Variants in TET3 observed in about 807,000 individuals in gnomAD.
The protein encoded by TET3 is tet methylcytosine dioxygenase 3.
TET3 carries 19 observed loss-of-function variants against 141.4 expected under a neutral mutation model. The ratio of observed to expected loss-of-function variants is 0.13; its 90% CI spans 0.09 to 0.20. The LOEUF (loss-of-function observed/expected upper bound fraction) is 0.20, where lower values mean the gene tolerates loss of function less well. Ranked by LOEUF, TET3 falls within the 10% of genes least tolerant of loss-of-function variation. The pLI, the probability that TET3 is intolerant of heterozygous loss-of-function variation, is 1.00. For missense variants in TET3, 1,874 were observed against 2,356.9 expected (o/e 0.80, Z 4.24); for synonymous variants, 1,043 against 980.9 (o/e 1.06, Z -1.18).
chr2:74,070,511 T>C (rs1293651467), intron 4 of TET3, among the ~76,000 whole-genome samples: 5 of 152,200 alleles, frequency 3.3e-5, no homozygotes, highest in Non-Finnish European at 5.9e-5. Context: ...CTAGACCATA[T>C]CATCTGCGCT....
Position 74,087,997 on chromosome 2 carries a change from G to T in TET3, c.2847G>T (p.Lys949Asn). 1 of 1,563,110 alleles carries T rather than the reference G, an allele frequency of 6.4e-7. No individual in the cohort carries two copies. Among genetic ancestry groups the T allele is most frequent in the East Asian group, 2.4e-5 (1 of 41,492 alleles). Residue 949 changes from lysine to asparagine, a missense_variant, in exon 7 of 12, where the codon AAG becomes AAT. Physicochemically the swap from Lys to Asn is moderately conservative, Grantham distance 94. Transcript: ENST00000409262. The surrounding 1 kb of genome is among the most constrained non-coding windows in gnomAD (Gnocchi z 4.3). The stretch of plus-strand genomic sequence containing the variant: ...AGGAGCTCACCGACACCCTCCGGAA[G>T]TATGGGAACCCCACCAGCCGGAGAT... ...LYQELTDTLR[K>N]YGNPTSRRCG...
chr2:74,036,215 C>G (rs1198653116), intron 3 of TET3, among the ~76,000 whole-genome samples: 1 of 152,218 alleles, frequency 6.6e-6, no homozygotes, highest in African/African-American at 2.4e-5. Context: ...GATTAGCTAA[C>G]TTGCTTATGG....
the TET3 span, among the ~76,000 whole-genome samples, chr2:74,129,586 G>A: frequency 2.3e-4 from 35 of 151,806 alleles, 1 homozygote; most frequent in East Asian, 3.9e-4. Context: ...AGCCAAGATC[G>A]CACCACTGTG....
Position 74,047,556 on chromosome 2 carries a change from T to G in TET3, c.1639T>G (p.Ser547Ala). ...CTTCCTAGAACAGGTGCACGACACC[T>G]CCTTCCCTGCTCCTTCAGAGCCTTC... The part of the protein sequence containing the change: ...SLFLEQVHDT[S>A]FPAPSEPSAP... The change falls in exon 4 of 12, where the codon TCC becomes GCC. Residue 547 changes from serine to alanine, a missense_variant. Coordinates refer to ENST00000409262, the MANE Select transcript of TET3 (RefSeq NM_001287491.2). The G allele has an allele frequency of 4.3e-6, 7 of 1,613,832 alleles. No individual in the cohort carries two copies. Among genetic ancestry groups the G allele is most frequent in the Non-Finnish European group, 5.1e-6 (6 of 1,179,866 alleles).
At chr2:74,132,400 C>T in the TET3 span, among the ~76,000 whole-genome samples, 39 of 152,182 alleles carry the variant, frequency 2.6e-4, 1 homozygote, top group Admixed American at 2.4e-3. Flanking sequence ...GCTCTTCCCA[C>T]GGCCTGAACA....
At chr2:74,030,758 C>G (rs13019449) in intron 3 of TET3, among the ~76,000 whole-genome samples, 24,715 of 152,080 alleles carry the variant, frequency 0.16, 2,347 homozygotes, top group Non-Finnish European at 0.22. Flanking sequence ...GAAGCAGAGG[C>G]AGGGGGCCAG....
chr2:74,116,689 TAAAAAA>T, the TET3 span, among the ~76,000 whole-genome samples: 2 of 133,080 alleles, frequency 1.5e-5, no homozygotes, highest in Admixed American at 7.7e-5. Flanking sequence ...CATCCCAAGT[TAAAAAA>T]AAAAAAAAAA....
chr2:74,007,580 AG>A (rs1685210740), intron 3 of TET3, among the ~76,000 whole-genome samples: 1 of 152,164 alleles, frequency 6.6e-6, no homozygotes, highest in Non-Finnish European at 1.5e-5. Flanking sequence ...TTACTGCTTC[AG>A]GGGGCTTCAG....
chr2:74,067,226 T>C (rs1156519690), intron 4 of TET3, among the ~76,000 whole-genome samples: 1 of 152,234 alleles, frequency 6.6e-6, no homozygotes, highest in Non-Finnish European at 1.5e-5. Flanking sequence ...AACTTTTTAG[T>C]TGAAAATACT....
chr2:74,085,309 C>T (rs1160708855), intron 6 of TET3, among the ~76,000 whole-genome samples: 3 of 152,190 alleles, frequency 2.0e-5, no homozygotes, highest in South Asian at 2.1e-4. Context: ...CTGGCCTCCC[C>T]CTGTTGATGG....
At chr2:74,050,284 C>T (rs955999212) in intron 4 of TET3, among the ~76,000 whole-genome samples, 3 of 152,144 alleles carry the variant, frequency 2.0e-5, no homozygotes, top group African/African-American at 7.2e-5. Flanking sequence ...AGAATGAAAA[C>T]GATAATAGTA....
At chr2:74,012,462 T>G (rs192638377) in intron 3 of TET3, among the ~76,000 whole-genome samples, 13 of 152,314 alleles carry the variant, frequency 8.5e-5, no homozygotes, top group African/African-American at 2.9e-4. Context: ...GTTTTCATAG[T>G]TCTCTCTTAG....
chr2:74,047,373 A>G lies in TET3; in HGVS notation c.1456A>G (p.Thr486Ala), dbSNP rs200989975. The G allele has an allele frequency of 1.2e-4, 187 of 1,613,830 alleles. No individual in the cohort carries two copies. In the Admixed American group the frequency reaches 3.1e-3, roughly 26 times the overall value. ...ATTCAAGCGGCCTGAGGCCCTGCCT[A>G]CCAAGCCCAAGGTCAAGGTGGAGGC... ...SVFKRPEALP[T>A]KPKVKVEAPS... Residue 486 changes from threonine to alanine, a missense_variant, in exon 4 of 12, where the codon ACC becomes GCC. Thr to Ala is a moderately conservative substitution (Grantham distance 58). Around this residue, in one of 10 missense-constraint regions of TET3, gnomAD observed 484 missense variants for 462.2 expected, o/e 1.05. Coordinates refer to ENST00000409262, the MANE Select transcript of TET3 (RefSeq NM_001287491.2).
At chr2:74,004,381 G>C (rs1349814295) in intron 3 of TET3, among the ~76,000 whole-genome samples, 1 of 152,168 alleles carries the variant, frequency 6.6e-6, no homozygotes, top group African/African-American at 2.4e-5. Flanking sequence ...GTGGCATCCT[G>C]CCACCTTACT....
rs541840411 is a variant in TET3, at chr2:74,063,291, G to A, written c.2495-10258G>A. On this transcript the variant is annotated intron_variant, in intron 4 of 11. Transcript: ENST00000409262. ...TGAAGCCCAGGTGTCACTAGGTTAAGGTGGTAAGAGCAAGAGCCAGGTCTT... is the reference window on the plus strand; with the variant it reads ...TGAAGCCCAGGTGTCACTAGGTTAAAGTGGTAAGAGCAAGAGCCAGGTCTT... Among the ~76,000 whole-genome samples, 5 of 152,174 alleles carry A rather than the reference G, an allele frequency of 3.3e-5. 1 individual carries two copies. The highest frequency in any genetic ancestry group is 2.0e-4 in the Admixed American group (3 of 15,298).
chr2:73,996,320 CTTCT>C (rs1242945129), intron 2 of TET3, among the ~76,000 whole-genome samples: 5 of 148,848 alleles, frequency 3.4e-5, no homozygotes, highest in Non-Finnish European at 7.6e-5. Flanking sequence ...ACCCCTTCAT[CTTCT>C]TTTTTAGCCC....
At chr2:74,128,992 T>TAAAA in the TET3 span, among the ~76,000 whole-genome samples, 2,140 of 77,768 alleles carry the variant, frequency 0.028, 181 homozygotes, top group African/African-American at 0.12. Context: ...TGTCTCAATT[T>TAAAA]AAAAAAAAAA....
intron 3 of TET3, among the ~76,000 whole-genome samples, chr2:74,038,239 A>G (rs902187346): frequency 2.0e-5 from 3 of 152,184 alleles, no homozygotes; most frequent in Admixed American, 2.0e-4. Flanking sequence ...TGAACTCTTC[A>G]TGGAGTGTAG....
intron 3 of TET3, among the ~76,000 whole-genome samples, chr2:74,045,239 AGGT>A (rs1687554857): frequency 6.6e-6 from 1 of 152,222 alleles, no homozygotes; most frequent in Admixed American, 6.5e-5. Flanking sequence ...ATTTGGGTTA[AGGT>A]GGTGTCTGTC....
Sources: gnomAD v4.1 joint callset for allele counts (sites outside exome capture counted in the v4.1 genomes callset) on GRCh38, gnomAD v4.1.1 for gene constraint, gnomAD v4.1.1 regional missense constraint, Gnocchi (gnomAD v3.1) non-coding constraint, MANE v1.5 for transcripts, NCBI Gene and HGNC (gene_info 2026-07-23, HGNC 2026-07-21) for gene names.